The following GCH1 variants were observed in gnomAD, a reference collection of about 807,000 sequenced individuals.
The protein encoded by GCH1 is GTP cyclohydrolase I.
Under a neutral mutation model 25.9 loss-of-function variants are expected in GCH1, and 5 were observed. That is an observed-to-expected ratio of 0.19 (90% CI 0.10 to 0.41). The LOEUF is 0.41. Among genes scored for constraint, GCH1 ranks in the 10% least tolerant of loss-of-function variants. The pLI, the probability that GCH1 is intolerant of heterozygous loss-of-function variation, is 1.00. For missense variants in GCH1, 261 were observed against 336.5 expected (o/e 0.78, Z 1.75); for synonymous variants, 159 against 129.6 (o/e 1.23, Z -1.54).
intron 1 of GCH1, among the ~76,000 whole-genome samples, chr14:54,886,772 T>G (rs772407472): frequency 6.6e-6 from 1 of 152,130 alleles, no homozygotes; most frequent in Non-Finnish European, 1.5e-5. Flanking sequence ...GACCAGAGCC[T>G]TAATCTTGGG....
intron 1 of GCH1, among the ~76,000 whole-genome samples, chr14:54,882,778 A>T (rs1394901821): frequency 6.6e-6 from 1 of 152,194 alleles, no homozygotes; most frequent in Admixed American, 6.5e-5. Context: ...TTTCATACAG[A>T]TGGGTGTGAT....
chr14:54,878,860 C>T (rs1020146829), intron 1 of GCH1, among the ~76,000 whole-genome samples: 1 of 152,182 alleles, frequency 6.6e-6, no homozygotes, highest in African/African-American at 2.4e-5. Flanking sequence ...ATCTCCCAGA[C>T]TCAAGCAATC....
intron 3 of GCH1, among the ~76,000 whole-genome samples, chr14:54,856,604 T>C (rs898110964): frequency 6.6e-6 from 1 of 152,020 alleles, no homozygotes; most frequent in Non-Finnish European, 1.5e-5. Flanking sequence ...AGGCGCATGC[T>C]ACCATGCCCT....
intron 1 of GCH1, among the ~76,000 whole-genome samples, chr14:54,872,479 T>C (rs1594997675): frequency 1.3e-5 from 2 of 152,222 alleles, no homozygotes; most frequent in South Asian, 2.1e-4. Context: ...AATGACAGGA[T>C]CAAATTCACA....
intron 1 of GCH1, among the ~76,000 whole-genome samples, chr14:54,889,317 C>T (rs1344374505): frequency 6.6e-6 from 1 of 152,176 alleles, no homozygotes. Flanking sequence ...TCACTGCTAA[C>T]GAACACTGTA....
rs147546441 is a variant in GCH1 at position 54,894,662 on chromosome 14, G to T, written c.343+7659C>A. 3.5e-3 allele frequency among the ~76,000 whole-genome samples: 537 copies of T among 152,196 alleles called. 3 individuals carry two copies. The highest frequency in any genetic ancestry group is 2.9e-3 in the Non-Finnish European group (199 of 68,006). On this transcript the variant is annotated intron_variant, in intron 1 of 5. Transcript: ENST00000491895. The stretch of plus-strand genomic sequence containing the variant: ...TTTTTAAAAGAAACTATTAGGATTG[G>T]CTTTTCTCCCCCTTTCTCAGTAACT...
At chr14:54,871,538 A>G (rs11627767) in intron 1 of GCH1, among the ~76,000 whole-genome samples, 28,684 of 152,174 alleles carry the variant, frequency 0.19, 2,832 homozygotes, top group Admixed American at 0.23. Context: ...CTTCAGACGA[A>G]CAAACTACTC....
At chr14:54,871,017 C>G (rs1319782982) in intron 1 of GCH1, among the ~76,000 whole-genome samples, 1 of 152,210 alleles carries the variant, frequency 6.6e-6, no homozygotes, top group Non-Finnish European at 1.5e-5. Flanking sequence ...TCCCAGCATG[C>G]AGCCTGAGAT....
intron 2 of GCH1, among the ~76,000 whole-genome samples, chr14:54,860,526 T>C (rs902495561): frequency 1.3e-5 from 2 of 149,840 alleles, no homozygotes; most frequent in Non-Finnish European, 3.0e-5. Context: ...TGCTAGAGAG[T>C]GCACCATCTT....
chr14:54,853,547 A>G (rs1181564702), intron 3 of GCH1, among the ~76,000 whole-genome samples: 1 of 152,174 alleles, frequency 6.6e-6, no homozygotes, highest in African/African-American at 2.4e-5. Context: ...TTATATCTTG[A>G]TACGCTGTGC....
rs556184515 is a variant in GCH1, at chr14:54,862,296, G to A, written c.454-2560C>T. On this transcript the variant is annotated intron_variant, in intron 2 of 5. Transcript: ENST00000491895. ...TCCTCCCACCTTGACTTCCCAAGTC[G>A]CTGGGATTACAGGCATGAGCCACCT... 2.0e-5 allele frequency among the ~76,000 whole-genome samples: 3 copies of A among 151,564 alleles called. 1 individual carries two copies. The East Asian group carries it at 5.8e-4, about 29-fold the overall frequency.
In GCH1 at chr14:54,873,089, C is replaced by T. The variant is rs528946569; in HGVS notation, c.344-7653G>A. 2.7e-5 allele frequency among the ~76,000 whole-genome samples: 4 copies of T among 150,304 alleles called. No homozygotes were observed. The East Asian group carries it at 5.9e-4, about 22-fold the overall frequency. On this transcript the variant is annotated intron_variant, in intron 1 of 5. Coordinates refer to ENST00000491895, the MANE Select transcript of GCH1 (RefSeq NM_000161.3). ...CACATCACACTTATTCCAAAATTGA[C>T]GGAAGTAAAACACTCCTCAGCAAAT...
At chr14:54,874,080 A>C (rs953718962) in intron 1 of GCH1, among the ~76,000 whole-genome samples, 13 of 152,234 alleles carry the variant, frequency 8.5e-5, no homozygotes, top group Non-Finnish European at 1.6e-4. Flanking sequence ...ATGAACATCC[A>C]TGCAAAACCC....
At chr14:54,863,255 T>C (rs1378055012) in intron 2 of GCH1, among the ~76,000 whole-genome samples, 2 of 150,938 alleles carry the variant, frequency 1.3e-5, no homozygotes, top group African/African-American at 2.4e-5. Context: ...CCTTCTCTAC[T>C]AAAAATACAA....
intron 1 of GCH1, among the ~76,000 whole-genome samples, chr14:54,880,264 T>C (rs1282597742): frequency 1.3e-5 from 2 of 149,442 alleles, no homozygotes; most frequent in East Asian, 1.9e-4. Context: ...AAAGCAATTA[T>C]AGCAAAATAC....
chr14:54,870,822 G>A (rs1185955713), intron 1 of GCH1, among the ~76,000 whole-genome samples: 1 of 152,250 alleles, frequency 6.6e-6, no homozygotes, highest in South Asian at 2.1e-4. Flanking sequence ...CCATTGCCGA[G>A]GCTTGAGTAG....
At chr14:54,891,491 C>A (rs1208219158) in intron 1 of GCH1, among the ~76,000 whole-genome samples, 1 of 150,238 alleles carries the variant, frequency 6.7e-6, no homozygotes, top group East Asian at 2.0e-4. Flanking sequence ...TTCACTGCAA[C>A]CTCCGCCTCC....
At chr14:54,875,716 C>A (rs2040148863) in intron 1 of GCH1, among the ~76,000 whole-genome samples, 1 of 152,196 alleles carries the variant, frequency 6.6e-6, no homozygotes, top group South Asian at 2.1e-4. Flanking sequence ...CAAAAGAAGA[C>A]CTTTATGCAG....
At chr14:54,849,170 T>C (rs1006651344) in intron 3 of GCH1, among the ~76,000 whole-genome samples, 2 of 152,248 alleles carry the variant, frequency 1.3e-5, no homozygotes, top group African/African-American at 4.8e-5. Flanking sequence ...AACATTCCCA[T>C]AGATTTTTAC....
Sources: allele counts gnomAD v4.1 joint callset (sites outside exome capture counted in the v4.1 genomes callset), GRCh38; gene constraint gnomAD v4.1.1; transcripts MANE v1.5; gene names NCBI Gene and HGNC (gene_info 2026-07-23, HGNC 2026-07-21).